The following GALNT2 variants were observed in gnomAD, a reference collection of about 807,000 sequenced individuals.
GALNT2 encodes UDP-GalNAc:polypeptide N-acetylgalactosaminyltransferase 2.
In GALNT2, 31 loss-of-function variants were observed where a neutral mutation model predicts 81.4. The ratio of observed to expected loss-of-function variants is 0.38; its 90% CI spans 0.29 to 0.51. The LOEUF is 0.51. Among genes scored for constraint, GALNT2 ranks in the 20% least tolerant of loss-of-function variants. The pLI, the probability that GALNT2 is intolerant of heterozygous loss-of-function variation, is 0.87. For missense variants in GALNT2, 629 were observed against 765.7 expected (o/e 0.82, Z 2.11); for synonymous variants, 303 against 287.4 (o/e 1.05, Z -0.55).
chr1:230,068,141 C>T (rs1440030776), intron 1 of GALNT2, among the ~76,000 whole-genome samples: 2 of 152,254 alleles, frequency 1.3e-5, no homozygotes, highest in East Asian at 1.9e-4. Flanking sequence ...CCCCACTCCC[C>T]GCTTCAGGGA....
At chr1:230,120,171 G>A (rs1409774333) in intron 1 of GALNT2, among the ~76,000 whole-genome samples, 2 of 151,346 alleles carry the variant, frequency 1.3e-5, no homozygotes, top group South Asian at 2.1e-4. Flanking sequence ...GGGTGGGGGT[G>A]GGGGTGAGTG....
intron 1 of GALNT2, among the ~76,000 whole-genome samples, chr1:230,094,922 C>T (rs1403355617): frequency 3.9e-5 from 6 of 152,066 alleles, no homozygotes; most frequent in South Asian, 2.1e-4. Flanking sequence ...TTAGATGTGC[C>T]GTAGCTCCTA....
intron 3 of GALNT2, among the ~76,000 whole-genome samples, chr1:230,216,756 G>T (rs1226248658): frequency 6.6e-6 from 1 of 152,160 alleles, no homozygotes; most frequent in Non-Finnish European, 1.5e-5. Context: ...AATGTTAATG[G>T]TAGAACCTAT....
At position 230,275,606 on chromosome 1, in the gene GALNT2, A is replaced by T. The variant is rs1452809176; in HGVS notation, c.1560+1042A>T. Among the ~76,000 whole-genome samples the T allele has an allele frequency of 1.3e-5, 2 of 151,632 alleles. No homozygotes were observed. The highest frequency in any genetic ancestry group is 4.8e-5 in the African/African-American group (2 of 41,274). The stretch of plus-strand genomic sequence containing the variant: ...ATATATATACATATAGATACATGCT[A>T]CATTTATATAAACACCACATATATA... On this transcript the variant is annotated intron_variant, in intron 15 of 15. Transcript: ENST00000366672. The surrounding 1 kb of genome is among the most constrained non-coding windows in gnomAD (Gnocchi z 5.5).
chr1:230,246,255 G>T (rs924870523), intron 8 of GALNT2, 105 bp downstream of exon 8: 3 of 887,978 alleles, frequency 3.4e-6, no homozygotes, highest in Non-Finnish European at 5.6e-6. Context: ...CAGTGTTCAC[G>T]CCGTAGTGTG....
intron 14 of GALNT2, among the ~76,000 whole-genome samples, chr1:230,269,935 C>T (rs1666126871): frequency 6.6e-6 from 1 of 152,066 alleles, no homozygotes; most frequent in Admixed American, 6.6e-5. Flanking sequence ...GGCACGGTGG[C>T]TCACGCCTGT....
At chr1:230,091,319 C>T (rs1406404058) in intron 1 of GALNT2, among the ~76,000 whole-genome samples, 1 of 152,000 alleles carries the variant, frequency 6.6e-6, no homozygotes, top group African/African-American at 2.4e-5. Context: ...TGTGATACGG[C>T]CACCTTGGCC....
intron 1 of GALNT2, among the ~76,000 whole-genome samples, chr1:230,073,328 A>G (rs1659432346): frequency 6.6e-6 from 1 of 152,238 alleles, no homozygotes; most frequent in Admixed American, 6.5e-5. Flanking sequence ...TGCCCAGTCC[A>G]GAAAGCCTCT....
At chr1:230,082,251 A>T (rs897411266) in intron 1 of GALNT2, among the ~76,000 whole-genome samples, 2 of 152,254 alleles carry the variant, frequency 1.3e-5, no homozygotes, top group African/African-American at 2.4e-5. Context: ...GTGGTGCTGA[A>T]TGAAGCAGGT....
At chr1:230,250,200 A>G (rs1210759427) in intron 9 of GALNT2, among the ~76,000 whole-genome samples, 1 of 152,242 alleles carries the variant, frequency 6.6e-6, no homozygotes. Context: ...TCGCTCCCAC[A>G]TAGGGGAGGC....
chr1:230,202,852 C>A (rs1386989122), intron 2 of GALNT2, among the ~76,000 whole-genome samples: 2 of 152,194 alleles, frequency 1.3e-5, no homozygotes, highest in African/African-American at 2.4e-5. Context: ...ATGAATGATG[C>A]CACAGTTACA....
chr1:230,101,943 A>G (rs1467706444), intron 1 of GALNT2, among the ~76,000 whole-genome samples: 1 of 152,186 alleles, frequency 6.6e-6, no homozygotes, highest in Non-Finnish European at 1.5e-5. Context: ...AGAAGCACAA[A>G]AAGTAGTTGG....
intron 1 of GALNT2, among the ~76,000 whole-genome samples, chr1:230,104,502 C>T (rs750949381): frequency 6.6e-6 from 1 of 152,040 alleles, no homozygotes; most frequent in Non-Finnish European, 1.5e-5. Context: ...TTGGATGCAC[C>T]GAGTCATAAA....
chr1:230,204,665 T>C (rs2102708207), intron 3 of GALNT2, among the ~76,000 whole-genome samples: 1 of 152,322 alleles, frequency 6.6e-6, no homozygotes, highest in Admixed American at 6.5e-5. Flanking sequence ...CACATTGGAA[T>C]TCTCAGTGAA....
intron 1 of GALNT2, among the ~76,000 whole-genome samples, chr1:230,168,442 G>T (rs1019642773): frequency 8.5e-5 from 13 of 152,210 alleles, no homozygotes; most frequent in African/African-American, 3.1e-4. Flanking sequence ...CTGAGGCCTT[G>T]CCCCTCCTGT....
chr1:230,128,779 A>G (rs1165156380), intron 1 of GALNT2, among the ~76,000 whole-genome samples: 1 of 152,152 alleles, frequency 6.6e-6, no homozygotes, highest in Non-Finnish European at 1.5e-5. Context: ...TCTTTCTGCC[A>G]GAGCATCAGC....
chr1:230,255,050 C>T (rs1450882546), intron 10 of GALNT2, among the ~76,000 whole-genome samples, 168 bp from the exon 11 acceptor site: 1 of 152,214 alleles, frequency 6.6e-6, no homozygotes, highest in Non-Finnish European at 1.5e-5. Flanking sequence ...AGTTCTGCAT[C>T]AGGTTCTGGA....
At chr1:230,139,788 G>A (rs547560366) in intron 1 of GALNT2, among the ~76,000 whole-genome samples, 15 of 152,314 alleles carry the variant, frequency 9.8e-5, no homozygotes, top group African/African-American at 2.2e-4. Flanking sequence ...ATCCAGTTTC[G>A]TTCCCACCTA....
chr1:230,078,279 G>C (rs1011959007), intron 1 of GALNT2, among the ~76,000 whole-genome samples: 2 of 149,958 alleles, frequency 1.3e-5, no homozygotes, highest in African/African-American at 5.0e-5. Context: ...TGTCGTATTT[G>C]GGGGGGGATC....
Sources: allele counts gnomAD v4.1 joint callset (sites outside exome capture counted in the v4.1 genomes callset), GRCh38; gene constraint gnomAD v4.1.1; non-coding constraint Gnocchi (gnomAD v3.1); transcripts MANE v1.5; gene names NCBI Gene and HGNC (gene_info 2026-07-23, HGNC 2026-07-21).